The following RSPO3 variants were observed in gnomAD, a reference collection of about 807,000 sequenced individuals.
The protein encoded by RSPO3 is R-spondin-3.
Under a neutral mutation model 36.5 loss-of-function variants are expected in RSPO3, and 17 were observed. The ratio of observed to expected loss-of-function variants is 0.47; its 90% CI spans 0.32 to 0.70. The LOEUF (loss-of-function observed/expected upper bound fraction) is 0.70. Ranked by LOEUF, RSPO3 falls within the 30% of genes least tolerant of loss-of-function variation. The pLI is 0.04. For synonymous variants in RSPO3, 108 were observed against 107.0 expected, an observed-to-expected ratio of 1.01 and a Z score of -0.06; for missense variants, 294 against 322.5, an observed-to-expected ratio of 0.91 and a Z score of 0.68.
intron 1 of RSPO3, among the ~76,000 whole-genome samples, chr6:127,121,344 G>C (rs1232366859): frequency 2.0e-5 from 3 of 152,206 alleles, no homozygotes; most frequent in African/African-American, 7.2e-5. Context: ...GGGCCGAGAG[G>C]AGTCAAAAGG....
chr6:127,196,455 G>GT lies in RSPO3; in HGVS notation c.*452dup, dbSNP rs1775517382. On this transcript the variant is annotated 3_prime_UTR_variant, in exon 5 of 5. Coordinates refer to ENST00000356698, the MANE Select transcript of RSPO3 (RefSeq NM_032784.5). ...GAAACATCCTTCAAAGGACAGTGTT[G>GT]TTTTGACCGGGAGATCTAGAGAGTG... The GT allele has an allele frequency of 6.6e-6, 1 of 152,320 alleles. No individual in the cohort carries two copies. The highest frequency in any genetic ancestry group is 2.4e-5 in the African/African-American group (1 of 41,466). The allele number at this position is 152,320 out of a possible 1,614,324, so 9.4% of individuals were successfully genotyped here.
chr6:127,130,306 C>T (rs755523821), intron 1 of RSPO3, among the ~76,000 whole-genome samples: 1 of 152,110 alleles, frequency 6.6e-6, no homozygotes, highest in African/African-American at 2.4e-5. Flanking sequence ...AAGACACTGT[C>T]CTTACAGTGG....
At chr6:127,138,285 GT>G (rs2114562022) in intron 1 of RSPO3, among the ~76,000 whole-genome samples, 1 of 152,040 alleles carries the variant, frequency 6.6e-6, no homozygotes, top group East Asian at 1.9e-4. Flanking sequence ...TTTTCAGTCT[GT>G]TTAAGTAGGT....
chr6:127,185,298 A>C (rs1446762130), intron 4 of RSPO3, among the ~76,000 whole-genome samples: 1 of 152,078 alleles, frequency 6.6e-6, no homozygotes, highest in Non-Finnish European at 1.5e-5. Flanking sequence ...TACCTAGAAC[A>C]ATCTGCATTA....
At chr6:127,182,156 T>A (rs559224615) in intron 4 of RSPO3, among the ~76,000 whole-genome samples, 1 of 151,748 alleles carries the variant, frequency 6.6e-6, no homozygotes, top group South Asian at 2.1e-4. Flanking sequence ...GGAACTAATA[T>A]AGAGTGAGAA....
chr6:127,133,192 C>A (rs572581145), intron 1 of RSPO3, among the ~76,000 whole-genome samples: 5 of 151,938 alleles, frequency 3.3e-5, no homozygotes, highest in Non-Finnish European at 5.9e-5. Context: ...TTGCTTCAAA[C>A]GTAATGGCAG....
intron 2 of RSPO3, among the ~76,000 whole-genome samples, chr6:127,149,653 CTGT>C (rs1774452163): frequency 6.6e-6 from 1 of 152,054 alleles, no homozygotes; most frequent in South Asian, 2.1e-4. Flanking sequence ...CCACCATTTG[CTGT>C]TGTTTTTTTG....
At chr6:127,171,537 A>G (rs1774934533) in intron 4 of RSPO3, among the ~76,000 whole-genome samples, 2 of 151,808 alleles carry the variant, frequency 1.3e-5, no homozygotes, top group African/African-American at 4.8e-5. Context: ...TAGTAAAACT[A>G]TGGAAAACAA....
chr6:127,170,776 T>C (rs1774920214), intron 4 of RSPO3, among the ~76,000 whole-genome samples: 1 of 151,794 alleles, frequency 6.6e-6, no homozygotes, highest in African/African-American at 2.4e-5. Flanking sequence ...TTCAAAGAGT[T>C]ACAAAATGGC....
In RSPO3 at chr6:127,159,975, C is replaced by A. The variant is rs974068975; in HGVS notation, c.634+4537C>A. 5.3e-5 allele frequency among the ~76,000 whole-genome samples: 8 copies of A among 152,108 alleles called. 2 individuals carry two copies. In the South Asian group the frequency reaches 1.0e-3, roughly 20 times the overall value. On this transcript the variant is annotated intron_variant, in intron 4 of 4. Transcript: ENST00000356698. Reference sequence around the variant, plus strand: ...AATGTATTCTCTCTTAAAGGCTAAGCCACGTTTTCAATTTAATGTCCTCAG... The same window carrying A: ...AATGTATTCTCTCTTAAAGGCTAAGACACGTTTTCAATTTAATGTCCTCAG...
At chr6:127,147,986 C>T (rs1319023410) in intron 1 of RSPO3, among the ~76,000 whole-genome samples, 1 of 152,080 alleles carries the variant, frequency 6.6e-6, no homozygotes, top group Non-Finnish European at 1.5e-5. Context: ...AATTATTAAG[C>T]TCGTGTGAGA....
At chr6:127,131,505 A>C (rs995734747) in intron 1 of RSPO3, among the ~76,000 whole-genome samples, 2 of 152,132 alleles carry the variant, frequency 1.3e-5, no homozygotes, top group Non-Finnish European at 2.9e-5. Context: ...AGATAAGAAC[A>C]CATTCAAATG....
At position 127,148,832 on chromosome 6, in the gene RSPO3, G is replaced by A. The variant is rs1443578752; in HGVS notation, c.282G>A (p.Lys94=). The A allele has an allele frequency of 3.1e-6, 5 of 1,610,344 alleles. No individual in the cohort carries two copies. In the Admixed American group the frequency reaches 6.7e-5, roughly 22 times the overall value. ...YYGTRYPDIN[K]CTKCKADCDT... ...GAACTCGATATCCAGATATAAATAAGTGTACAAGTAAGTGCCCACACGAAA... is the reference window on the plus strand; with the variant it reads ...GAACTCGATATCCAGATATAAATAAATGTACAAGTAAGTGCCCACACGAAA... Residue 94 remains lysine, a synonymous_variant, in exon 2 of 5, where the codon AAG becomes AAA. Coordinates refer to ENST00000356698, the MANE Select transcript of RSPO3 (RefSeq NM_032784.5).
At chr6:127,160,110 A>T (rs537321306) in intron 4 of RSPO3, among the ~76,000 whole-genome samples, 3 of 152,098 alleles carry the variant, frequency 2.0e-5, no homozygotes, top group Non-Finnish European at 4.4e-5. Flanking sequence ...TATTCAGTTG[A>T]ACTGTTTGCA....
intron 4 of RSPO3, among the ~76,000 whole-genome samples, chr6:127,181,951 G>A (rs1775196152): frequency 6.6e-6 from 1 of 151,840 alleles, no homozygotes; most frequent in South Asian, 2.1e-4. Flanking sequence ...TCTGCAGGCT[G>A]TACAAGAAGC....
intron 4 of RSPO3, among the ~76,000 whole-genome samples, chr6:127,183,235 G>C (rs1775225355): frequency 6.6e-6 from 1 of 151,972 alleles, no homozygotes; most frequent in African/African-American, 2.4e-5. Flanking sequence ...TAACTTCTCT[G>C]TTCCAACCTG....
intron 4 of RSPO3, among the ~76,000 whole-genome samples, chr6:127,185,827 T>C (rs942531123): frequency 6.6e-6 from 1 of 152,098 alleles, no homozygotes; most frequent in African/African-American, 2.4e-5. Flanking sequence ...ATTTCTTGTA[T>C]AATCAATCAC....
rs1775573570 is a variant in RSPO3 at position 127,199,228 on chromosome 6, A to G, written c.*3221A>G. On this transcript the variant is annotated 3_prime_UTR_variant, in exon 5 of 5. Coordinates refer to ENST00000356698, the MANE Select transcript of RSPO3 (RefSeq NM_032784.5). ...AAATCTGCAAAATGGAATTGGCATC[A>G]TCTCTTTTGCAAGATTGTTATGAGA... Among the ~76,000 whole-genome samples, 1 of 152,200 alleles carries G rather than the reference A, an allele frequency of 6.6e-6. No individual in the cohort carries two copies. Among genetic ancestry groups the G allele is most frequent in the African/African-American group, 2.4e-5 (1 of 41,458 alleles).
At chr6:127,154,388 A>T (rs1774551853) in intron 3 of RSPO3, among the ~76,000 whole-genome samples, 1 of 152,148 alleles carries the variant, frequency 6.6e-6, no homozygotes, top group Non-Finnish European at 1.5e-5. Context: ...GAAAGCCGTT[A>T]TTGAAAAAAA....
Sources: allele counts gnomAD v4.1 joint callset (sites outside exome capture counted in the v4.1 genomes callset), GRCh38; gene constraint gnomAD v4.1.1; transcripts MANE v1.5; gene names NCBI Gene and HGNC (gene_info 2026-07-23, HGNC 2026-07-21).